The following POFUT2 variants were observed in gnomAD, a reference collection of about 807,000 sequenced individuals.
The protein encoded by POFUT2 is GDP-fucose protein O-fucosyltransferase 2.
Under a neutral mutation model 55.0 loss-of-function variants are expected in POFUT2, and 30 were observed. That is an observed-to-expected ratio of 0.55 (90% CI 0.41 to 0.74). The LOEUF is 0.74. Ranked by LOEUF, POFUT2 falls within the 30% of genes least tolerant of loss-of-function variation. The pLI is 0.00. For missense variants in POFUT2, 524 were observed against 562.6 expected (o/e 0.93, Z 0.69); for synonymous variants, 267 against 231.1 (o/e 1.16, Z -1.41).
Position 45,265,674 on chromosome 21 carries a change from TG to T in POFUT2, c.1137-40del. The T allele has an allele frequency of 1.3e-6, 1 of 775,524 alleles. No individual in the cohort carries two copies. Among genetic ancestry groups the T allele is most frequent in the Middle Eastern group, 4.3e-4 (1 of 2,352 alleles). The allele number at this position is 775,524 out of a possible 1,614,324, so 48.0% of individuals were successfully genotyped here. A position where few individuals can be genotyped will look rare whatever the true frequency, so the allele number is the denominator to read the frequency against. On this transcript the variant is annotated intron_variant, in intron 8 of 8. Coordinates refer to ENST00000349485, the MANE Select transcript of POFUT2 (RefSeq NM_133635.6). This position sits in a 1 kb window ranked among gnomAD's most constrained non-coding sequence, Gnocchi z 4.6. ...CAGAGGTTCCAGAGTCAGGGAGAAC[TG>T]GCGTCACAGAGGTTCCAGAGTCAGG...
Position 45,285,327 on chromosome 21 carries a change from T to G in POFUT2, c.382+351A>C. 1 of 356,838 alleles carries G rather than the reference T, an allele frequency of 2.8e-6. No homozygotes were observed. The highest frequency in any genetic ancestry group is 5.4e-6 in the Non-Finnish European group (1 of 183,716). The allele number at this position is 356,838 out of a possible 1,614,324, so 22.1% of individuals were successfully genotyped here. On this transcript the variant is annotated intron_variant, in intron 2 of 8. Transcript: ENST00000349485. The surrounding 1 kb of genome is among the most constrained non-coding windows in gnomAD (Gnocchi z 4.9). Reference sequence around the variant, plus strand: ...AGCATACTCCACACGCAGTGCGTCTTCCTGAACGTAAAACAGCCTTTCGCA... The same window carrying G: ...AGCATACTCCACACGCAGTGCGTCTGCCTGAACGTAAAACAGCCTTTCGCA...
In POFUT2 at chr21:45,285,695, T is replaced by G. The variant is rs749680375; in HGVS notation, c.365A>C (p.Tyr122Ser). ...SLNKNIPVIE[Y>S]EQFIAESGGP... ...GGCCTCACCTGCGATGAACTGCTCA[T>G]ACTCGATGACGGGGATGTTTTTATT... The change falls in exon 2 of 9, where the codon TAT (tyrosine) becomes TCT (serine). Residue 122 changes from tyrosine (Y) to serine (S), a missense_variant. Tyr to Ser is a moderately radical substitution (Grantham distance 144). Around this residue, in one of 2 missense-constraint regions of POFUT2, gnomAD observed 274 missense variants for 244.4 expected, o/e 1.12. Transcript: ENST00000349485. The surrounding 1 kb of genome is among the most constrained non-coding windows in gnomAD (Gnocchi z 4.9). The G allele has an allele frequency of 6.2e-7, 1 of 1,613,804 alleles. No homozygotes were observed. The highest frequency in any genetic ancestry group is 8.5e-7 in the Non-Finnish European group (1 of 1,180,028).
Position 45,284,176 on chromosome 21 carries a change from AG to A in POFUT2, c.383-650del, listed in dbSNP as rs746344749. Among the ~76,000 whole-genome samples, 1 of 151,622 alleles carries A rather than the reference AG, an allele frequency of 6.6e-6. No homozygotes were observed. The highest frequency in any genetic ancestry group is 1.5e-5 in the Non-Finnish European group (1 of 67,766). On this transcript the variant is annotated intron_variant, in intron 2 of 8. Coordinates refer to ENST00000349485, the MANE Select transcript of POFUT2 (RefSeq NM_133635.6). This position sits in a 1 kb window ranked among gnomAD's most constrained non-coding sequence, Gnocchi z 5.8. ...AACAAAGCGGGAGGGAGCACCGCGC[AG>A]GTGAAATTCTGGGGCAGGAACAAAG...
At chr21:45,269,740 C>G in intron 7 of POFUT2, 99 bp downstream of exon 7, 1 of 1,165,388 alleles carries the variant, frequency 8.6e-7, no homozygotes, top group Non-Finnish European at 1.2e-6. Context: ...TGTTCCATGA[C>G]CCTGCCAAAA....
chr21:45,269,262 C>G (rs1362280496), intron 7 of POFUT2, among the ~76,000 whole-genome samples: 1 of 152,126 alleles, frequency 6.6e-6, no homozygotes, highest in Admixed American at 6.5e-5. Flanking sequence ...CCCCTCTGCC[C>G]GGCCACCACC....
intron 6 of POFUT2, among the ~76,000 whole-genome samples, chr21:45,274,381 C>G (rs2093245081): frequency 6.6e-6 from 1 of 152,142 alleles, no homozygotes. Context: ...TGAAAATGAC[C>G]ATACTACAAA....
intron 2 of POFUT2, 73 bp from the exon 3 acceptor site, chr21:45,283,600 C>T (rs2031030281): frequency 1.2e-5 from 17 of 1,477,548 alleles, no homozygotes; most frequent in Non-Finnish European, 1.5e-5. Context: ...CATCAGTCAC[C>T]AGCAGCTGAC....
Position 45,282,222 on chromosome 21 carries a change from A to T in POFUT2, c.638+127T>A. ...CTAACCACCACCCCCCAGGGCCCCC[A>T]GGGTCCGCTGTCTGTGAGGTGGGTG... is the stretch of plus-strand genomic sequence containing the variant. On this transcript the variant is annotated intron_variant, in intron 4 of 8. Coordinates refer to ENST00000349485, the MANE Select transcript of POFUT2 (RefSeq NM_133635.6). This position sits in a 1 kb window ranked among gnomAD's most constrained non-coding sequence, Gnocchi z 4.6. The T allele has an allele frequency of 1.5e-6, 1 of 667,640 alleles. No individual in the cohort carries two copies. The highest frequency in any genetic ancestry group is 2.6e-6 in the Non-Finnish European group (1 of 382,480). 41.4% of individuals were successfully genotyped at this position (667,640 alleles called of 1,614,324 possible).
rs556520419 is a variant in POFUT2 at position 45,285,297 on chromosome 21, C to G, written c.382+381G>C. On this transcript the variant is annotated intron_variant, in intron 2 of 8. Transcript: ENST00000349485. This position sits in a 1 kb window ranked among gnomAD's most constrained non-coding sequence, Gnocchi z 4.9. ...TATCCCTGGCGCTGCACTGAGACAC[C>G]ACGAAGCATACTCCACACGCAGTGC... 272 of 307,444 alleles carry G rather than the reference C, an allele frequency of 8.8e-4. No individual in the cohort carries two copies. The highest frequency in any genetic ancestry group is 1.8e-3 in the South Asian group (59 of 32,192). 19.0% of individuals were successfully genotyped at this position (307,444 alleles called of 1,614,324 possible).
intron 6 of POFUT2, among the ~76,000 whole-genome samples, chr21:45,276,245 TAAAAAA>T (rs11290362): frequency 1.4e-5 from 2 of 144,828 alleles, no homozygotes; most frequent in African/African-American, 5.1e-5. Flanking sequence ...TTAAAAAGAA[TAAAAAA>T]AAAACACTGA....
chr21:45,283,357 G>A (rs370662699), intron 3 of POFUT2, 26 bp downstream of exon 3: 23 of 1,561,786 alleles, frequency 1.5e-5, no homozygotes, highest in Non-Finnish European at 1.9e-5. Context: ...GGCACCTGCG[G>A]CAGGGGGAGC....
In POFUT2 at chr21:45,283,104, C is replaced by T. The variant is rs989479550; in HGVS notation, c.527+279G>A. 3.3e-5 allele frequency among the ~76,000 whole-genome samples: 5 copies of T among 151,480 alleles called. No individual in the cohort carries two copies. The South Asian group carries it at 6.3e-4, about 19-fold the overall frequency. ...CAAGCGCTACCACCACAAGGGCCGC[C>T]GCAACACTGTCAGGATGCCCAGGAG... On this transcript the variant is annotated intron_variant, in intron 3 of 8. Coordinates refer to ENST00000349485, the MANE Select transcript of POFUT2 (RefSeq NM_133635.6).
chr21:45,265,998 G>A lies in POFUT2; in HGVS notation c.1137-363C>T. Reference sequence around the variant, plus strand: ...GAATACCTCCTGGGGGTCACATGGTGAACAATGAGAGATTCCTACTAACCA... The same window carrying A: ...GAATACCTCCTGGGGGTCACATGGTAAACAATGAGAGATTCCTACTAACCA... On this transcript the variant is annotated intron_variant, in intron 8 of 8. Coordinates refer to ENST00000349485, the MANE Select transcript of POFUT2 (RefSeq NM_133635.6). The surrounding 1 kb of genome is among the most constrained non-coding windows in gnomAD (Gnocchi z 4.6). 8.3e-7 allele frequency: 1 copy of A among 1,209,476 alleles called. No individual in the cohort carries two copies. The highest frequency in any genetic ancestry group is 1.1e-6 in the Non-Finnish European group (1 of 952,286). 74.9% of individuals were successfully genotyped at this position (1,209,476 alleles called of 1,614,324 possible). A position where few individuals can be genotyped will look rare whatever the true frequency, so the allele number is the denominator to read the frequency against.
rs78144517 is a variant in POFUT2, at chr21:45,284,533, G to T, written c.383-1006C>A. Among the ~76,000 whole-genome samples, 345 of 152,310 alleles carry T rather than the reference G, an allele frequency of 2.3e-3. 2 individuals are homozygous for T. Among genetic ancestry groups the T allele is most frequent in the African/African-American group, 8.0e-3 (333 of 41,550 alleles). ...AAAGCCCCAGGCTGGTGGATGGCAGGTAAGCGTGAGACCAGCATATGTGCC... is the reference window on the plus strand; with the variant it reads ...AAAGCCCCAGGCTGGTGGATGGCAGTTAAGCGTGAGACCAGCATATGTGCC... On this transcript the variant is annotated intron_variant, in intron 2 of 8. Transcript: ENST00000349485. The surrounding 1 kb of genome is among the most constrained non-coding windows in gnomAD (Gnocchi z 5.8).
chr21:45,268,626 T>C (rs1019257571), intron 7 of POFUT2, among the ~76,000 whole-genome samples: 67 of 149,292 alleles, frequency 4.5e-4, no homozygotes, highest in African/African-American at 1.7e-3. Context: ...GGAGCGCCTC[T>C]GCCCCGCCGC....
intron 1 of POFUT2, 101 bp from the exon 2 acceptor site, chr21:45,286,029 C>G: frequency 9.7e-7 from 1 of 1,025,682 alleles, no homozygotes; most frequent in African/African-American, 1.6e-5. Flanking sequence ...ACTCTAGGCA[C>G]TTAACAATGG....
At chr21:45,280,313 A>T (rs868759978) in intron 4 of POFUT2, among the ~76,000 whole-genome samples, 1 of 151,938 alleles carries the variant, frequency 6.6e-6, no homozygotes. Context: ...ACTGGGCATT[A>T]TATCTTGATT....
Position 45,287,828 on chromosome 21 carries a change from G to C in POFUT2, c.44C>G (p.Ser15Cys). 1 of 1,483,970 alleles carries C rather than the reference G, an allele frequency of 6.7e-7. No homozygotes were observed. Among genetic ancestry groups the C allele is most frequent in the Non-Finnish European group, 9.0e-7 (1 of 1,111,608 alleles). The allele number at this position is 1,483,970 out of a possible 1,614,324, so 91.9% of individuals were successfully genotyped here. Reference protein sequence around the residue: ...SFVFLLLGAVSWPPASASGQE... With the variant: ...SFVFLLLGAVCWPPASASGQE... ...GCCGGAGGCAGAAGCCGGAGGCCAG[G>C]ACACTGCCCCCAGCAGCAGGAAGAC... Residue 15 changes from serine (S) to cysteine (C), a missense_variant, in exon 1 of 9, where the codon TCC (serine) becomes TGC (cysteine). Ser to Cys is a moderately radical substitution (Grantham distance 112). Transcript: ENST00000349485.
chr21:45,266,784 GGA>G (rs2093158815), intron 8 of POFUT2: 3 of 998,004 alleles, frequency 3.0e-6, no homozygotes, highest in African/African-American at 1.7e-5. Context: ...TCCTCGGGCA[GGA>G]GAGAGACAGA....
Sources: allele counts gnomAD v4.1 joint callset (sites outside exome capture counted in the v4.1 genomes callset), GRCh38; gene constraint gnomAD v4.1.1; regional missense constraint gnomAD v4.1.1; non-coding constraint Gnocchi (gnomAD v3.1); transcripts MANE v1.5; gene names NCBI Gene and HGNC (gene_info 2026-07-23, HGNC 2026-07-21).